Variants in POU6F2 observed in about 807,000 individuals in gnomAD.
POU6F2 encodes the protein POU domain, class 6, transcription factor 2.
A neutral mutation model predicts 71.3 loss-of-function variants in POU6F2; 31 were observed. The observed-to-expected ratio is 0.43, with a 90% CI of 0.33 to 0.59. POU6F2 has a LOEUF of 0.59. Ranked by LOEUF, POU6F2 falls within the 20% of genes least tolerant of loss-of-function variation. The pLI is 0.04. For synonymous variants in POU6F2, 347 were observed against 355.7 expected (o/e 0.98, Z 0.27); for missense variants, 783 against 856.8 (o/e 0.91, Z 1.07).
chr7:39,200,086 G>A (rs7783932), intron 2 of POU6F2, among the ~76,000 whole-genome samples: 56,855 of 152,080 alleles, frequency 0.37, 10,946 homozygotes, highest in South Asian at 0.49. Context: ...GGATTATGAT[G>A]AAAGAATGGT....
At chr7:39,009,130 C>G (rs1260912768) in intron 1 of POU6F2, among the ~76,000 whole-genome samples, 4 of 151,804 alleles carry the variant, frequency 2.6e-5, no homozygotes, top group Middle Eastern at 3.2e-3. Flanking sequence ...GTCATTTTCA[C>G]GATATTGATT....
chr7:39,200,885 G>A (rs10275706), intron 2 of POU6F2, among the ~76,000 whole-genome samples: 43,408 of 150,548 alleles, frequency 0.29, 6,728 homozygotes, highest in East Asian at 0.7. Flanking sequence ...AAATTAGCTG[G>A]GTGTAGTGGC....
At chr7:38,980,167 G>C (rs1343962036) in intron 1 of POU6F2, among the ~76,000 whole-genome samples, 2 of 152,136 alleles carry the variant, frequency 1.3e-5, no homozygotes, top group Admixed American at 1.3e-4. Context: ...CATCAAAGTA[G>C]TCACATGCTT....
chr7:39,287,935 G>A (rs1562777617), intron 4 of POU6F2, among the ~76,000 whole-genome samples: 1 of 152,142 alleles, frequency 6.6e-6, no homozygotes, highest in Non-Finnish European at 1.5e-5. Context: ...TCTGGCATCT[G>A]TGTATATTGA....
intron 4 of POU6F2, among the ~76,000 whole-genome samples, chr7:39,291,927 T>C (rs1461275643): frequency 6.6e-6 from 1 of 151,354 alleles, no homozygotes; most frequent in Non-Finnish European, 1.5e-5. Context: ...TGACTCTGTA[T>C]TTTTACTATT....
chr7:39,207,399 T>C lies in POU6F2; in HGVS notation c.377T>C (p.Leu126Pro). The change falls in exon 4 of 10, where the codon CTG becomes CCG. Residue 126 changes from leucine (L) to proline (P), a missense_variant. Leu to Pro is a moderately conservative substitution (Grantham distance 98). This residue lies in a region of POU6F2 where 572 missense variants were observed against 572.9 expected (regional missense o/e 1.00). Transcript: ENST00000518318. ...GTATCTGTTTCCTTGCAGCCACTTC[T>C]GACGGCACAGCAGTTAGCTTCTGCT... ...PPFPVGPQPL[L>P]TAQQLASAVA... is the part of the protein sequence containing the mutation. 1.4e-5 allele frequency: 22 copies of C among 1,613,810 alleles called. No individual in the cohort carries two copies. Among genetic ancestry groups the C allele is most frequent in the Non-Finnish European group, 1.9e-5 (22 of 1,179,720 alleles).
At chr7:39,099,330 G>A (rs1791522081) in intron 2 of POU6F2, among the ~76,000 whole-genome samples, 1 of 152,222 alleles carries the variant, frequency 6.6e-6, no homozygotes, top group Non-Finnish European at 1.5e-5. Context: ...ATACCCTGGG[G>A]GCAGCCTGCC....
At position 39,466,727 on chromosome 7, in the gene POU6F2, C is replaced by G. The variant is rs1163916502; in HGVS notation, c.*2041C>G. The G allele has an allele frequency of 6.6e-6, 1 of 152,172 alleles. No individual in the cohort carries two copies. Among genetic ancestry groups the G allele is most frequent in the Non-Finnish European group, 1.5e-5 (1 of 68,036 alleles). 9.4% of individuals were successfully genotyped at this position (152,172 alleles called of 1,614,324 possible). ...TCAAGAGACTACCAGCAAGGAAACT[C>G]TAAAAGGAATCCTGGAAGTGGAACA... On this transcript the variant is annotated 3_prime_UTR_variant, in exon 10 of 10. Coordinates refer to ENST00000518318, the MANE Select transcript of POU6F2 (RefSeq NM_001370959.1).
chr7:39,462,541 T>C (rs1276058201), intron 9 of POU6F2, among the ~76,000 whole-genome samples: 1 of 152,130 alleles, frequency 6.6e-6, no homozygotes, highest in Non-Finnish European at 1.5e-5. Flanking sequence ...TATCACAACC[T>C]CTGTCCCCTC....
intron 4 of POU6F2, among the ~76,000 whole-genome samples, chr7:39,282,103 G>T (rs113544465): frequency 2.6e-5 from 4 of 151,994 alleles, no homozygotes; most frequent in Non-Finnish European, 5.9e-5. Context: ...AGAAATGTCT[G>T]TTTGGCATTT....
intron 1 of POU6F2, among the ~76,000 whole-genome samples, chr7:39,061,791 G>A (rs920743515): frequency 2.0e-5 from 3 of 152,014 alleles, no homozygotes; most frequent in Non-Finnish European, 4.4e-5. Flanking sequence ...TGACAGGCTC[G>A]CTTCATTCAT....
intron 5 of POU6F2, among the ~76,000 whole-genome samples, chr7:39,368,726 G>A (rs999009130): frequency 2.6e-5 from 4 of 152,174 alleles, no homozygotes; most frequent in Non-Finnish European, 5.9e-5. Context: ...TAAAGCCAGT[G>A]CTCATTTACC....
At chr7:39,412,287 A>C (rs1176884340) in intron 6 of POU6F2, among the ~76,000 whole-genome samples, 1 of 152,230 alleles carries the variant, frequency 6.6e-6, no homozygotes, top group East Asian at 1.9e-4. Flanking sequence ...AAAAACCAGC[A>C]ATTAACCCTG....
At chr7:39,312,789 C>CT (rs1785190879) in intron 4 of POU6F2, among the ~76,000 whole-genome samples, 1 of 152,150 alleles carries the variant, frequency 6.6e-6, no homozygotes, top group Non-Finnish European at 1.5e-5. Context: ...TGCTGAGTGA[C>CT]TAACAGGTGG....
At chr7:39,334,488 C>T (rs1439358466) in intron 4 of POU6F2, among the ~76,000 whole-genome samples, 1 of 151,816 alleles carries the variant, frequency 6.6e-6, no homozygotes, top group African/African-American at 2.4e-5. Context: ...GCACATATAC[C>T]TCCTGAATCT....
intron 2 of POU6F2, among the ~76,000 whole-genome samples, chr7:39,188,926 T>G (rs754472619): frequency 2.0e-5 from 3 of 152,200 alleles, no homozygotes; most frequent in Non-Finnish European, 2.9e-5. Flanking sequence ...CAGCTGACAT[T>G]TCCAAGAGAA....
intron 2 of POU6F2, among the ~76,000 whole-genome samples, chr7:39,175,481 C>T (rs1382194011): frequency 6.6e-6 from 1 of 152,130 alleles, no homozygotes; most frequent in Admixed American, 6.5e-5. Flanking sequence ...GTGTCTAGGG[C>T]CTACTTGTCC....
At chr7:39,129,910 C>CA (rs1212348237) in intron 2 of POU6F2, among the ~76,000 whole-genome samples, 2 of 151,268 alleles carry the variant, frequency 1.3e-5, no homozygotes, top group East Asian at 1.9e-4. Context: ...CTAAAAAATA[C>CA]AAAAAAATTA....
intron 7 of POU6F2, among the ~76,000 whole-genome samples, chr7:39,435,363 T>C (rs1380329333): frequency 6.6e-6 from 1 of 152,234 alleles, no homozygotes. Flanking sequence ...GTGGTTTTCA[T>C]TTGCATTTCT....
Sources: gnomAD v4.1 joint callset for allele counts (sites outside exome capture counted in the v4.1 genomes callset) on GRCh38, gnomAD v4.1.1 for gene constraint, gnomAD v4.1.1 regional missense constraint, MANE v1.5 for transcripts, NCBI Gene and HGNC (gene_info 2026-07-23, HGNC 2026-07-21) for gene names.